MYT1L: variants seen among roughly 807,000 people sequenced by gnomAD.
MYT1L encodes the protein myelin transcription factor 1-like protein.
MYT1L carries 12 observed loss-of-function variants against 126.7 expected under a neutral mutation model. The ratio of observed to expected loss-of-function variants is 0.09; its 90% CI spans 0.06 to 0.15. The LOEUF (loss-of-function observed/expected upper bound fraction) is 0.15, where lower values mean the gene tolerates loss of function less well. Among genes scored for constraint, MYT1L ranks in the 10% least tolerant of loss-of-function variants. The pLI, the probability that MYT1L is intolerant of heterozygous loss-of-function variation, is 1.00. For missense variants in MYT1L, 979 were observed against 1,585.2 expected (o/e 0.62, Z 6.49); for synonymous variants, 541 against 604.2 (o/e 0.90, Z 1.53).
At chr2:2,043,271 T>C (rs10184725) in intron 4 of MYT1L, among the ~76,000 whole-genome samples, 1 of 152,208 alleles carries the variant, frequency 6.6e-6, no homozygotes, top group African/African-American at 2.4e-5. Flanking sequence ...GTATTAAATG[T>C]AGTCACACAA....
intron 2 of MYT1L, among the ~76,000 whole-genome samples, chr2:2,229,757 C>T (rs185231689): frequency 2.0e-4 from 31 of 152,168 alleles, no homozygotes; most frequent in African/African-American, 6.0e-4. Flanking sequence ...CTTATGCCAA[C>T]GCAAGCAGGC....
chr2:1,851,777 C>T, intron 18 of MYT1L, 74 bp from the exon 19 acceptor site: 1 of 1,428,174 alleles, frequency 7.0e-7, no homozygotes, highest in South Asian at 1.2e-5. Flanking sequence ...TTTTTTTAAT[C>T]CAAAAAGCAA....
chr2:2,309,978 G>A (rs181362931), intron 1 of MYT1L, among the ~76,000 whole-genome samples: 89 of 151,336 alleles, frequency 5.9e-4, no homozygotes, highest in African/African-American at 2.0e-3. Context: ...CTACACATTG[G>A]TATACTGTAC....
chr2:2,244,563 G>T (rs1161517139), intron 2 of MYT1L, among the ~76,000 whole-genome samples: 1 of 152,166 alleles, frequency 6.6e-6, no homozygotes, highest in Non-Finnish European at 1.5e-5. Context: ...CGGTGATGAG[G>T]CTTGAAGCCC....
At chr2:1,951,728 A>C (rs1284111227) in intron 8 of MYT1L, among the ~76,000 whole-genome samples, 2 of 152,180 alleles carry the variant, frequency 1.3e-5, no homozygotes, top group East Asian at 3.9e-4. Context: ...CACACGAAAA[A>C]CAGTCCACAT....
chr2:2,013,434 G>A (rs1397974682), intron 4 of MYT1L, among the ~76,000 whole-genome samples: 1 of 152,216 alleles, frequency 6.6e-6, no homozygotes, highest in African/African-American at 2.4e-5. Flanking sequence ...GCCTCACCTG[G>A]TGAGCCAGGA....
intron 2 of MYT1L, among the ~76,000 whole-genome samples, chr2:2,217,405 A>G (rs1243029307): frequency 6.6e-6 from 1 of 152,078 alleles, no homozygotes; most frequent in Non-Finnish European, 1.5e-5. Flanking sequence ...AAATCCAGCC[A>G]GGCACGGTGG....
At chr2:2,102,477 A>G (rs1191258408) in intron 3 of MYT1L, among the ~76,000 whole-genome samples, 1 of 151,954 alleles carries the variant, frequency 6.6e-6, no homozygotes, top group Admixed American at 6.6e-5. Flanking sequence ...AAACATATCA[A>G]TATTGTTCTT....
At chr2:1,816,295 A>T (rs2037620295) in intron 21 of MYT1L, 1 of 152,634 alleles carries the variant, frequency 6.6e-6, no homozygotes, top group African/African-American at 2.4e-5. Context: ...CGCTGTATGG[A>T]TTAGCGAATG....
At chr2:1,847,182 CTG>C (rs1346386170) in intron 19 of MYT1L, among the ~76,000 whole-genome samples, 1 of 152,232 alleles carries the variant, frequency 6.6e-6, no homozygotes, top group Non-Finnish European at 1.5e-5. Context: ...CTGAGCATCT[CTG>C]TGCCCGCGCA....
At chr2:1,990,115 A>C (rs957537853) in intron 5 of MYT1L, among the ~76,000 whole-genome samples, 1 of 152,236 alleles carries the variant, frequency 6.6e-6, no homozygotes, top group Non-Finnish European at 1.5e-5. Flanking sequence ...GCCTTTTGGC[A>C]CCTGTAAAAT....
At chr2:1,983,566 A>G (rs7569308) in intron 5 of MYT1L, among the ~76,000 whole-genome samples, 61,360 of 152,076 alleles carry the variant, frequency 0.4, 15,356 homozygotes, top group African/African-American at 0.72. Flanking sequence ...CGGCACTCTC[A>G]CACTTTGTTT....
chr2:2,251,831 G>GA (rs528536637), intron 2 of MYT1L, among the ~76,000 whole-genome samples: 115 of 118,154 alleles, frequency 9.7e-4, no homozygotes, highest in African/African-American at 3.0e-3. Flanking sequence ...TATGGGAAAA[G>GA]AAAAAAAAAG....
intron 4 of MYT1L, among the ~76,000 whole-genome samples, chr2:1,999,308 G>A (rs2062149834): frequency 6.6e-6 from 1 of 152,106 alleles, no homozygotes; most frequent in Non-Finnish European, 1.5e-5. Flanking sequence ...ACATATGAAT[G>A]TGACCAGTTA....
chr2:2,238,478 C>T (rs1168138837), intron 2 of MYT1L, among the ~76,000 whole-genome samples: 1 of 152,184 alleles, frequency 6.6e-6, no homozygotes, highest in Non-Finnish European at 1.5e-5. Flanking sequence ...GAAACACTTC[C>T]TCCTTTGACA....
intron 8 of MYT1L, among the ~76,000 whole-genome samples, chr2:1,978,902 T>A (rs894284129): frequency 6.6e-6 from 1 of 152,250 alleles, no homozygotes; most frequent in South Asian, 2.1e-4. Flanking sequence ...GCACCACATA[T>A]GCAGATGGGA....
intron 9 of MYT1L, among the ~76,000 whole-genome samples, chr2:1,941,667 A>AAG (rs1553340351): frequency 6.6e-6 from 1 of 151,748 alleles, no homozygotes; most frequent in African/African-American, 2.4e-5. Context: ...TATGTAATGC[A>AAG]TGTGTGTGTG....
rs562119758 is a variant in MYT1L, at chr2:2,070,319, C to A, written c.-303-16196G>T. On this transcript the variant is annotated intron_variant, in intron 3 of 24. Transcript: ENST00000647738. ...ATCACCCTGCCATTTGTCTATCCAT[C>A]CAACTGTCTAACCTGCGTTGCGACA... Among the ~76,000 whole-genome samples the A allele has an allele frequency of 1.4e-4, 21 of 152,332 alleles. No homozygotes were observed. The South Asian group carries it at 4.3e-3, about 32-fold the overall frequency.
chr2:2,233,134 T>C (rs2094199671), intron 2 of MYT1L, among the ~76,000 whole-genome samples: 1 of 152,182 alleles, frequency 6.6e-6, no homozygotes, highest in Non-Finnish European at 1.5e-5. Context: ...GAATGAATAA[T>C]ATACACATTT....
Sources: gnomAD v4.1 joint callset for allele counts (sites outside exome capture counted in the v4.1 genomes callset) on GRCh38, gnomAD v4.1.1 for gene constraint, MANE v1.5 for transcripts, NCBI Gene and HGNC (gene_info 2026-07-23, HGNC 2026-07-21) for gene names.